The following BMPR1B variants were observed in gnomAD, a reference collection of about 807,000 sequenced individuals.
BMPR1B encodes bone morphogenetic protein receptor type-1B.
In BMPR1B, 12 loss-of-function variants were observed where a neutral mutation model predicts 59.1. The observed-to-expected ratio is 0.20, with a 90% CI of 0.13 to 0.33. BMPR1B has a LOEUF of 0.33. Among genes scored for constraint, BMPR1B ranks in the 10% least tolerant of loss-of-function variants. The pLI is 1.00. For missense variants in BMPR1B, 550 were observed against 610.9 expected, an observed-to-expected ratio of 0.90 and a Z score of 1.05; for synonymous variants, 237 against 207.3, an observed-to-expected ratio of 1.14 and a Z score of -1.23.
At chr4:94,971,153 T>C (rs1730780309) in intron 2 of BMPR1B, among the ~76,000 whole-genome samples, 1 of 152,116 alleles carries the variant, frequency 6.6e-6, no homozygotes, top group South Asian at 2.1e-4. Context: ...TCAGTACTTG[T>C]GAAATAAGAG....
intron 2 of BMPR1B, among the ~76,000 whole-genome samples, chr4:94,896,605 A>G (rs1727596927): frequency 6.6e-6 from 1 of 152,028 alleles, no homozygotes; most frequent in African/African-American, 2.4e-5. Context: ...TGGTTCTATA[A>G]TCCTGAATGA....
At position 95,078,822 on chromosome 4, in the gene BMPR1B, A is replaced by G. The variant is rs570956594; in HGVS notation, c.-17-25586A>G. On this transcript the variant is annotated intron_variant, in intron 3 of 12. Transcript: ENST00000515059. ...ACCCAGGCTGGAGTGCAGTGGCACAATCACAGCTCGCTGCAGCCTCAACCT... is the reference window on the plus strand; with the variant it reads ...ACCCAGGCTGGAGTGCAGTGGCACAGTCACAGCTCGCTGCAGCCTCAACCT... Among the ~76,000 whole-genome samples the G allele has an allele frequency of 3.3e-5, 5 of 152,282 alleles. No homozygotes were observed. The South Asian group carries it at 1.0e-3, about 32-fold the overall frequency.
intron 3 of BMPR1B, among the ~76,000 whole-genome samples, chr4:95,002,814 G>T (rs935491149): frequency 1.3e-5 from 2 of 152,144 alleles, no homozygotes; most frequent in Non-Finnish European, 2.9e-5. Context: ...TGCCTGCAAA[G>T]AAATGTATAA....
intron 3 of BMPR1B, among the ~76,000 whole-genome samples, chr4:95,006,010 A>T (rs4699827): frequency 0.96 from 145,581 of 152,292 alleles, 69,614 homozygotes; most frequent in Middle Eastern, 0.99. Flanking sequence ...CAGTGGCTCA[A>T]GCCTCTAATC....
At chr4:94,938,451 T>C (rs1335679270) in intron 2 of BMPR1B, among the ~76,000 whole-genome samples, 1 of 151,098 alleles carries the variant, frequency 6.6e-6, no homozygotes, top group Non-Finnish European at 1.5e-5. Context: ...GCTGAGGTTG[T>C]ACCACTGCAC....
chr4:94,870,508 T>A (rs1281595751), intron 1 of BMPR1B, among the ~76,000 whole-genome samples: 1 of 152,192 alleles, frequency 6.6e-6, no homozygotes, highest in African/African-American at 2.4e-5. Context: ...TCAGTGCAAG[T>A]TTTGGATTAA....
chr4:95,128,156 G>C (rs959439990), intron 8 of BMPR1B, among the ~76,000 whole-genome samples: 5 of 152,066 alleles, frequency 3.3e-5, no homozygotes, highest in Non-Finnish European at 5.9e-5. Flanking sequence ...AAAGTGCTGG[G>C]ATTACAGGCA....
chr4:95,047,558 C>A (rs1186221837), intron 3 of BMPR1B, among the ~76,000 whole-genome samples: 1 of 152,168 alleles, frequency 6.6e-6, no homozygotes, highest in Non-Finnish European at 1.5e-5. Flanking sequence ...CAATCACCTG[C>A]CCAAGGGAGT....
At chr4:94,842,557 A>G (rs538203293) in intron 1 of BMPR1B, among the ~76,000 whole-genome samples, 1 of 152,092 alleles carries the variant, frequency 6.6e-6, no homozygotes, top group Non-Finnish European at 1.5e-5. Context: ...ACATCTGAGG[A>G]TACTTTTTTT....
chr4:94,975,888 G>C (rs1731015305), intron 2 of BMPR1B, among the ~76,000 whole-genome samples: 1 of 152,096 alleles, frequency 6.6e-6, no homozygotes, highest in Admixed American at 6.6e-5. Context: ...TTAGTAATTG[G>C]TGCTTTTTGT....
chr4:95,115,543 GGA>G lies in BMPR1B; in HGVS notation c.247-139_247-138del, dbSNP rs1259432611. 3 of 743,462 alleles carry G rather than the reference GGA, an allele frequency of 4.0e-6. No individual in the cohort carries two copies. The African/African-American group carries it at 5.3e-5, about 13-fold the overall frequency. 46.1% of individuals were successfully genotyped at this position (743,462 alleles called of 1,614,324 possible). ...AGCTTGAAATAAATTACCTTATAGA[GGA>G]GAACATATTTAAGGTGTTTGAGTGA... On this transcript the variant is annotated intron_variant, in intron 5 of 12. Coordinates refer to ENST00000515059, the MANE Select transcript of BMPR1B (RefSeq NM_001203.3).
At chr4:94,831,313 T>C (rs960322874) in intron 1 of BMPR1B, among the ~76,000 whole-genome samples, 1 of 151,130 alleles carries the variant, frequency 6.6e-6, no homozygotes, top group Non-Finnish European at 1.5e-5. Flanking sequence ...AGCTGTACAA[T>C]GTGTTTGTGT....
chr4:94,892,931 T>G lies in BMPR1B; in HGVS notation c.-113+17031T>G, dbSNP rs147172180. On this transcript the variant is annotated intron_variant, in intron 2 of 12. Transcript: ENST00000515059. ...GAGTTCAGTTTGAGTAATTTTATAT[T>G]CTGAGCTTCAGTTTGTTCATCTGTA... Among the ~76,000 whole-genome samples the G allele has an allele frequency of 6.8e-3, 1,032 of 152,182 alleles. 12 individuals carry two copies. Among genetic ancestry groups the G allele is most frequent in the African/African-American group, 0.023 (965 of 41,548 alleles).
intron 10 of BMPR1B, among the ~76,000 whole-genome samples, chr4:95,133,367 CTCTTT>C (rs1560680316): frequency 6.6e-6 from 1 of 152,142 alleles, no homozygotes; most frequent in East Asian, 1.9e-4. Flanking sequence ...GTGCAGTGGA[CTCTTT>C]TCTTTTCTGA....
At chr4:95,076,129 T>C (rs1728689867) in intron 3 of BMPR1B, among the ~76,000 whole-genome samples, 1 of 152,148 alleles carries the variant, frequency 6.6e-6, no homozygotes, top group Non-Finnish European at 1.5e-5. Flanking sequence ...GAGTCCTAAC[T>C]TGACTTACAA....
At chr4:94,786,118 G>A (rs1696288131) in intron 1 of BMPR1B, among the ~76,000 whole-genome samples, 1 of 152,112 alleles carries the variant, frequency 6.6e-6, no homozygotes, top group African/African-American at 2.4e-5. Flanking sequence ...TAATAATTCG[G>A]GTATTATGGA....
intron 1 of BMPR1B, among the ~76,000 whole-genome samples, chr4:94,840,398 C>A (rs528684218): frequency 2.0e-5 from 3 of 148,406 alleles, no homozygotes; most frequent in East Asian, 3.9e-4. Flanking sequence ...TTCAGGTACA[C>A]CAATCAGATG....
chr4:95,009,521 C>CA (rs1220076240), intron 3 of BMPR1B, among the ~76,000 whole-genome samples: 1 of 152,048 alleles, frequency 6.6e-6, no homozygotes, highest in Non-Finnish European at 1.5e-5. Flanking sequence ...AAGCAAGTCA[C>CA]AAAAAATACA....
intron 10 of BMPR1B, among the ~76,000 whole-genome samples, chr4:95,140,313 A>C (rs1734132014): frequency 6.6e-6 from 1 of 152,128 alleles, no homozygotes; most frequent in Admixed American, 6.5e-5. Context: ...GGATGAAGGA[A>C]AAAGAACTTT....
Sources: gnomAD v4.1 joint callset for allele counts (sites outside exome capture counted in the v4.1 genomes callset) on GRCh38, gnomAD v4.1.1 for gene constraint, MANE v1.5 for transcripts, NCBI Gene and HGNC (gene_info 2026-07-23, HGNC 2026-07-21) for gene names.